Variants in ABCA1 observed in about 807,000 individuals in gnomAD.
ABCA1 encodes the protein phospholipid-transporting ATPase ABCA1.
In ABCA1, 133 loss-of-function variants were observed where a neutral mutation model predicts 262.5. The ratio of observed to expected loss-of-function variants is 0.51; its 90% confidence interval spans 0.44 to 0.59. The LOEUF (loss-of-function observed/expected upper bound fraction) is 0.59, where lower values mean the gene tolerates loss of function less well. Ranked by LOEUF, ABCA1 falls within the 20% of genes least tolerant of loss-of-function variation. The probability of loss-of-function intolerance (pLI) is 0.00; values close to 1 mark genes in which losing one functional copy is unlikely to be tolerated. For missense variants in ABCA1, 2,452 were observed against 2,777.5 expected, an observed-to-expected ratio of 0.88 and a Z score of 2.63; for synonymous variants, 1,022 against 1,043.5, an observed-to-expected ratio of 0.98 and a Z score of 0.40.
chr9:104,831,015 T>A lies in ABCA1; in HGVS notation c.1802A>T (p.Glu601Val), dbSNP rs1351212535. The A allele has an allele frequency of 6.2e-7, 1 of 1,613,934 alleles. No homozygotes were observed. Among genetic ancestry groups the A allele is most frequent in the Admixed American group, 1.7e-5 (1 of 60,006 alleles). Residue 601 changes from glutamate to valine, a missense_variant, in exon 14 of 50, where the codon GAG (glutamate) becomes GTG (valine). By Grantham distance (121) the Glu-to-Val change is moderately radical. Around this residue, in one of 4 missense-constraint regions of ABCA1, gnomAD observed 1,032 missense variants for 1,089.7 expected, o/e 0.95. Transcript: ENST00000374736. ...CGTCAGCACCCTGATGATTGCCTGC[T>A]CCACCACATCCTGCAAGTAGGCGAA... ...GGFAYLQDVV[E>V]QAIIRVLTGT...
intron 5 of ABCA1, among the ~76,000 whole-genome samples, chr9:104,878,201 G>A (rs1443688650): frequency 6.6e-6 from 1 of 152,182 alleles, no homozygotes; most frequent in Non-Finnish European, 1.5e-5. Flanking sequence ...TAAGATGAAT[G>A]AATGCTTCTC....
chr9:104,802,113 G>C lies in ABCA1; in HGVS notation c.4639C>G (p.Pro1547Ala). 1 of 1,614,128 alleles carries C rather than the reference G, an allele frequency of 6.2e-7. No homozygotes were observed. Among genetic ancestry groups the C allele is most frequent in the Non-Finnish European group, 8.5e-7 (1 of 1,180,028 alleles). Residue 1547 changes from proline to alanine, a missense_variant, in exon 34 of 50, where the codon CCG (proline) becomes GCG (alanine). Physicochemically the swap from Pro to Ala is conservative, Grantham distance 27 (BLOSUM62 -1). Around this residue, in one of 4 missense-constraint regions of ABCA1, gnomAD observed 752 missense variants for 944.5 expected, o/e 0.80. Coordinates refer to ENST00000374736, the MANE Select transcript of ABCA1 (RefSeq NM_005502.4). ...ATGGCATCATTAACTTCTTGACTCGGAGGAAGTGCTTGAGTATTACTGACA... is the reference window on the plus strand; with the variant it reads ...ATGGCATCATTAACTTCTTGACTCGCAGGAAGTGCTTGAGTATTACTGACA... ...LGVSNTQALP[P>A]SQEVNDAIKQ...
chr9:104,791,324 A>T (rs1829404553), intron 43 of ABCA1, among the ~76,000 whole-genome samples: 1 of 152,248 alleles, frequency 6.6e-6, no homozygotes, highest in Non-Finnish European at 1.5e-5. Context: ...GCAAAAGGGC[A>T]TAAAAGAACA....
rs1360787481 is a variant in ABCA1, at chr9:104,903,757, G to A, written c.-78C>T. The A allele has an allele frequency of 1.8e-5, 24 of 1,302,618 alleles. No homozygotes were observed. Among genetic ancestry groups the A allele is most frequent in the East Asian group, 1.5e-4 (6 of 39,174 alleles). The allele number at this position is 1,302,618 out of a possible 1,614,324, so 80.7% of individuals were successfully genotyped here. On this transcript the variant is annotated 5_prime_UTR_variant, in exon 2 of 50. It adds an upstream start codon to the 5' untranslated region. Coordinates refer to ENST00000374736, the MANE Select transcript of ABCA1 (RefSeq NM_005502.4). The stretch of plus-strand genomic sequence containing the variant: ...GGCCAGAGCTCACAGCAGGGACGCC[G>A]TGGCTGGTCATTAACTGAAAGATAA...
At chr9:104,826,329 C>T (rs571869948) in intron 16 of ABCA1, among the ~76,000 whole-genome samples, 7 of 152,270 alleles carry the variant, frequency 4.6e-5, no homozygotes, top group Middle Eastern at 3.4e-3. Flanking sequence ...CTATGAGTCA[C>T]TCTTAGCTTT....
intron 3 of ABCA1, among the ~76,000 whole-genome samples, chr9:104,886,377 G>A (rs1338574794): frequency 2.0e-5 from 3 of 152,150 alleles, no homozygotes; most frequent in African/African-American, 7.2e-5. Flanking sequence ...AACACCCAAA[G>A]CAAGGATGTG....
At chr9:104,801,196 C>A (rs1487200116) in intron 34 of ABCA1, among the ~76,000 whole-genome samples, 1 of 151,836 alleles carries the variant, frequency 6.6e-6, no homozygotes, top group African/African-American at 2.4e-5. Context: ...TATTTACCAA[C>A]TGACCAAATT....
At chr9:104,881,701 C>T (rs992162622) in intron 5 of ABCA1, among the ~76,000 whole-genome samples, 1 of 152,194 alleles carries the variant, frequency 6.6e-6, no homozygotes, top group Non-Finnish European at 1.5e-5. Context: ...AGCTGTGCCT[C>T]TGGTCAATCA....
At chr9:104,895,058 T>C (rs1053566564) in intron 2 of ABCA1, among the ~76,000 whole-genome samples, 2 of 152,224 alleles carry the variant, frequency 1.3e-5, no homozygotes, top group African/African-American at 4.8e-5. Context: ...GCACTTTTCC[T>C]AAACATAAAC....
At chr9:104,816,113 T>C (rs1234240000) in intron 25 of ABCA1, 30 bp downstream of exon 25, 3 of 1,613,164 alleles carry the variant, frequency 1.9e-6, no homozygotes, top group Non-Finnish European at 2.5e-6. Flanking sequence ...GGCCTTGCTA[T>C]ATATTCCGAC....
At chr9:104,886,308 C>G (rs766592828) in intron 3 of ABCA1, among the ~76,000 whole-genome samples, 1 of 152,180 alleles carries the variant, frequency 6.6e-6, no homozygotes, top group Non-Finnish European at 1.5e-5. Flanking sequence ...ACTTGCTGCA[C>G]TTTGCATTTC....
chr9:104,879,342 C>T (rs1230928550), intron 5 of ABCA1, among the ~76,000 whole-genome samples: 1 of 152,120 alleles, frequency 6.6e-6, no homozygotes, highest in Non-Finnish European at 1.5e-5. Context: ...AAGTTAGCTG[C>T]TATTTTATAG....
chr9:104,836,400 G>A, intron 11 of ABCA1, among the ~76,000 whole-genome samples: 1 of 152,192 alleles, frequency 6.6e-6, no homozygotes, highest in South Asian at 2.1e-4. Context: ...GTGATTAACA[G>A]CACTCAGGCT....
chr9:104,843,619 G>A (rs1834580190), intron 8 of ABCA1, among the ~76,000 whole-genome samples: 1 of 152,188 alleles, frequency 6.6e-6, no homozygotes, highest in African/African-American at 2.4e-5. Flanking sequence ...TGGACATGAT[G>A]AGACCCACTC....
intron 1 of ABCA1, among the ~76,000 whole-genome samples, chr9:104,917,521 G>T (rs1049597714): frequency 6.6e-6 from 1 of 152,176 alleles, no homozygotes; most frequent in Non-Finnish European, 1.5e-5. Flanking sequence ...TTGGGAGGCC[G>T]AGGTGGGTGG....
At position 104,834,185 on chromosome 9, in the gene ABCA1, G is replaced by A. The variant is rs974520241; in HGVS notation, c.1312-1414C>T. 5.3e-5 allele frequency among the ~76,000 whole-genome samples: 8 copies of A among 149,816 alleles called. 1 individual carries two copies. The East Asian group carries it at 1.7e-3, about 32-fold the overall frequency. On this transcript the variant is annotated intron_variant, in intron 11 of 49. Coordinates refer to ENST00000374736, the MANE Select transcript of ABCA1 (RefSeq NM_005502.4). ...TTTCATTAATTATTCCTATAGTGCT[G>A]AACATTTAGTCTATTTCCAATTTCT...
rs755216595 is a variant in ABCA1 at position 104,810,819 on chromosome 9, C to G, written c.4156G>C (p.Glu1386Gln). Reference protein sequence around the residue: ...SLELQPWMYNEQYTFVSNDAP... With the variant: ...SLELQPWMYNQQYTFVSNDAP... ...ACATACCTGACAAATGTGTACTGTT[C>G]GTTGTACATCCAGGGCTGAAGTTCC... Residue 1386 changes from glutamate (E) to glutamine (Q), a missense_variant, in exon 29 of 50, where the codon GAA becomes CAA. Physicochemically the swap from Glu to Gln is conservative, Grantham distance 29. Around this residue, in one of 4 missense-constraint regions of ABCA1, gnomAD observed 665 missense variants for 727.3 expected, o/e 0.91. Coordinates refer to ENST00000374736, the MANE Select transcript of ABCA1 (RefSeq NM_005502.4). 1 of 1,614,200 alleles carries G rather than the reference C, an allele frequency of 6.2e-7. No homozygotes were observed. Among genetic ancestry groups the G allele is most frequent in the Non-Finnish European group, 8.5e-7 (1 of 1,180,040 alleles).
intron 1 of ABCA1, among the ~76,000 whole-genome samples, chr9:104,919,421 C>T (rs946586061): frequency 1.7e-4 from 26 of 152,074 alleles, no homozygotes; most frequent in African/African-American, 6.3e-4. Context: ...ACCAGCCTAG[C>T]CACCATAGTA....
intron 4 of ABCA1, among the ~76,000 whole-genome samples, chr9:104,884,031 C>A (rs1838927521): frequency 6.6e-6 from 1 of 152,200 alleles, no homozygotes; most frequent in African/African-American, 2.4e-5. Context: ...AGACAGAACT[C>A]CCCTAGCCTT....
Sources: gnomAD v4.1 joint callset for allele counts (sites outside exome capture counted in the v4.1 genomes callset) on GRCh38, gnomAD v4.1.1 for gene constraint, gnomAD v4.1.1 regional missense constraint, MANE v1.5 for transcripts, NCBI Gene and HGNC (gene_info 2026-07-23, HGNC 2026-07-21) for gene names.